SNX3: variants seen among roughly 807,000 people sequenced by gnomAD.
SNX3 encodes the protein sorting nexin-3.
SNX3 carries 5 observed loss-of-function variants against 17.7 expected under a neutral mutation model. That is an observed-to-expected ratio of 0.28 (90% confidence interval 0.15 to 0.59). The LOEUF (loss-of-function observed/expected upper bound fraction) is 0.59, where lower values mean the gene tolerates loss of function less well. SNX3 is among the 20% of genes least tolerant of loss of function. The pLI, the probability that SNX3 is intolerant of heterozygous loss-of-function variation, is 0.88. For missense variants in SNX3, 132 were observed against 206.8 expected (o/e 0.64, Z 2.22); for synonymous variants, 91 against 76.5 (o/e 1.19, Z -0.99).
At position 108,226,448 on chromosome 6, in the gene SNX3, C is replaced by T. The variant is rs533643144; in HGVS notation, c.163-3403G>A. ...AATGACTTAACATAATAACTAATGC[C>T]ATACCCTACCAAAAATACTACTCAA... On this transcript the variant is annotated intron_variant, in intron 1 of 3. Coordinates refer to ENST00000230085, the MANE Select transcript of SNX3 (RefSeq NM_003795.6). Among the ~76,000 whole-genome samples the T allele has an allele frequency of 2.6e-5, 4 of 152,308 alleles. No homozygotes were observed. In the East Asian group the frequency reaches 7.7e-4, roughly 29 times the overall value.
Position 108,212,269 on chromosome 6 carries a change from T to TA in SNX3, c.384-16dup, listed in dbSNP as rs1451490325. ...GACCAGCGACCCTGAGAATAAAAAA[T>TA]ATAAATTTAGTCCAATATTTTATAC... On this transcript the variant is annotated splice_polypyrimidine_tract_variant and intron_variant, in intron 3 of 3. Coordinates refer to ENST00000230085, the MANE Select transcript of SNX3 (RefSeq NM_003795.6). 6.4e-7 allele frequency: 1 copy of TA among 1,554,606 alleles called. No homozygotes were observed. Among genetic ancestry groups the TA allele is most frequent in the Non-Finnish European group, 8.8e-7 (1 of 1,133,590 alleles).
chr6:108,223,497 CTTTTTTTTTTTTTTTT>C (rs59920022), intron 1 of SNX3, among the ~76,000 whole-genome samples: 6 of 110,352 alleles, frequency 5.4e-5, no homozygotes, highest in Non-Finnish European at 5.2e-5. Flanking sequence ...TTTGCTAGTT[CTTTTTTTTTTTTTTTT>C]TTTTTTTTTT....
At chr6:108,246,306 G>T (rs1000134691) in intron 1 of SNX3, among the ~76,000 whole-genome samples, 1 of 125,622 alleles carries the variant, frequency 8.0e-6, no homozygotes, top group Non-Finnish European at 1.6e-5. Context: ...AAAGAGCTTT[G>T]AGCATTCTTT....
intron 2 of SNX3, among the ~76,000 whole-genome samples, chr6:108,217,482 C>T (rs1261159399): frequency 2.0e-5 from 3 of 152,022 alleles, no homozygotes; most frequent in Non-Finnish European, 4.4e-5. Context: ...AGGTTGGGTG[C>T]GGTAGCTCAC....
intron 2 of SNX3, 98 bp from the exon 3 acceptor site, chr6:108,214,720 C>G (rs1774511488): frequency 3.1e-6 from 4 of 1,288,672 alleles, no homozygotes; most frequent in Non-Finnish European, 4.3e-6. Context: ...ACTATGACAG[C>G]CATCGTCCGG....
chr6:108,259,070 A>G (rs1212329245), intron 1 of SNX3, among the ~76,000 whole-genome samples: 1 of 152,194 alleles, frequency 6.6e-6, no homozygotes, highest in Non-Finnish European at 1.5e-5. Context: ...ACTAGTGAAT[A>G]GGGCAAAAGA....
intron 1 of SNX3, among the ~76,000 whole-genome samples, chr6:108,236,091 C>G (rs961442708): frequency 6.6e-6 from 1 of 152,060 alleles, no homozygotes; most frequent in African/African-American, 2.4e-5. Context: ...TAAAGTTTTT[C>G]TATGCTAAAG....
intron 1 of SNX3, among the ~76,000 whole-genome samples, chr6:108,260,398 AG>A (rs1415782026): frequency 2.0e-5 from 3 of 152,232 alleles, no homozygotes; most frequent in Non-Finnish European, 4.4e-5. Context: ...ACTTTGCGCA[AG>A]CCCCTTTTCT....
chr6:108,258,739 G>C (rs1463469134), intron 1 of SNX3, among the ~76,000 whole-genome samples: 1 of 151,844 alleles, frequency 6.6e-6, no homozygotes. Context: ...AAACTTCTGA[G>C]CTCAAGGGAT....
At chr6:108,238,604 G>A (rs765430796) in intron 1 of SNX3, among the ~76,000 whole-genome samples, 1 of 152,042 alleles carries the variant, frequency 6.6e-6, no homozygotes, top group African/African-American at 2.4e-5. Flanking sequence ...CACCTCAACC[G>A]CCATAAAAAA....
chr6:108,238,064 T>A (rs1775402279), intron 1 of SNX3, among the ~76,000 whole-genome samples: 1 of 135,778 alleles, frequency 7.4e-6, no homozygotes, highest in Non-Finnish European at 1.5e-5. Context: ...ATGGCACCAC[T>A]GCACTCCAGC....
At chr6:108,251,761 C>T (rs956786562) in intron 1 of SNX3, among the ~76,000 whole-genome samples, 1 of 152,120 alleles carries the variant, frequency 6.6e-6, no homozygotes. Context: ...CCTAGGTTGT[C>T]AGTTAAATAT....
At chr6:108,241,901 T>A (rs1775533461) in intron 1 of SNX3, among the ~76,000 whole-genome samples, 1 of 152,210 alleles carries the variant, frequency 6.6e-6, no homozygotes, top group South Asian at 2.1e-4. Flanking sequence ...TCCAAGCAGC[T>A]ATCAATATGT....
intron 1 of SNX3, among the ~76,000 whole-genome samples, chr6:108,230,203 T>C (rs948437565): frequency 1.9e-4 from 29 of 152,086 alleles, no homozygotes; most frequent in African/African-American, 7.0e-4. Flanking sequence ...TAACTTACTT[T>C]AAGATGACTA....
intron 1 of SNX3, among the ~76,000 whole-genome samples, chr6:108,224,529 C>A (rs1562423449): frequency 6.6e-6 from 1 of 152,156 alleles, no homozygotes; most frequent in Non-Finnish European, 1.5e-5. Flanking sequence ...ATCTGCCCAC[C>A]TTAGCCTCCC....
At chr6:108,222,388 A>C in intron 2 of SNX3, 2 of 1,284,260 alleles carry the variant, frequency 1.6e-6, no homozygotes, top group Non-Finnish European at 2.0e-6. Flanking sequence ...ACCAAATTCT[A>C]TTCTAAGAGA....
chr6:108,242,855 C>G (rs544683942), intron 1 of SNX3, among the ~76,000 whole-genome samples: 47 of 152,232 alleles, frequency 3.1e-4, no homozygotes, highest in African/African-American at 1.1e-3. Flanking sequence ...AAGAGGAAGG[C>G]TACTCTAAAC....
intron 1 of SNX3, among the ~76,000 whole-genome samples, chr6:108,246,792 C>A (rs1775706217): frequency 6.6e-6 from 1 of 152,086 alleles, no homozygotes. Flanking sequence ...AGTGCAGATT[C>A]TAATTCCTGG....
chr6:108,234,248 T>A (rs995987595), intron 1 of SNX3, among the ~76,000 whole-genome samples: 1 of 151,396 alleles, frequency 6.6e-6, no homozygotes, highest in African/African-American at 2.4e-5. Flanking sequence ...CATATATATA[T>A]ATATATAACA....
Sources: allele counts gnomAD v4.1 joint callset (sites outside exome capture counted in the v4.1 genomes callset), GRCh38; gene constraint gnomAD v4.1.1; transcripts MANE v1.5; gene names NCBI Gene and HGNC (gene_info 2026-07-23, HGNC 2026-07-21).